Variants in UBE2E3 observed in about 807,000 individuals in gnomAD.
UBE2E3 encodes ubiquitin-conjugating enzyme E2 E3.
UBE2E3 carries 5 observed loss-of-function variants against 23.6 expected under a neutral mutation model. The observed-to-expected ratio is 0.21, with a 90% CI of 0.11 to 0.44. The LOEUF is 0.44. UBE2E3 is among the 20% of genes least tolerant of loss of function. UBE2E3 has a pLI of 0.99. For missense variants in UBE2E3, 81 were observed against 249.8 expected, an observed-to-expected ratio of 0.32 and a Z score of 4.55; for synonymous variants, 78 against 87.5, an observed-to-expected ratio of 0.89 and a Z score of 0.60.
At chr2:180,987,126 G>C (rs1684498676) in intron 3 of UBE2E3, among the ~76,000 whole-genome samples, 1 of 152,020 alleles carries the variant, frequency 6.6e-6, no homozygotes, top group African/African-American at 2.4e-5. Context: ...GGTATTGGAG[G>C]GCCATGGGCC....
chr2:181,017,809 G>GT (rs1350887828), intron 3 of UBE2E3, among the ~76,000 whole-genome samples: 1 of 149,150 alleles, frequency 6.7e-6, no homozygotes, highest in Non-Finnish European at 1.5e-5. Flanking sequence ...ACTAAAACGG[G>GT]TATCTGCTAA....
At chr2:180,989,839 A>T in intron 3 of UBE2E3, 1 of 1,527,086 alleles carries the variant, frequency 6.5e-7, no homozygotes, top group Non-Finnish European at 8.8e-7. Flanking sequence ...TGCTCTCCTT[A>T]AATGAGTTGC....
At chr2:181,034,659 T>A (rs13420526) in intron 3 of UBE2E3, among the ~76,000 whole-genome samples, 6,358 of 151,326 alleles carry the variant, frequency 0.042, 192 homozygotes, top group African/African-American at 0.077. Flanking sequence ...ACATGTACCC[T>A]AGAACTTAAA....
chr2:181,004,968 C>G (rs1364764615), intron 3 of UBE2E3, among the ~76,000 whole-genome samples: 1 of 152,172 alleles, frequency 6.6e-6, no homozygotes, highest in Non-Finnish European at 1.5e-5. Context: ...TTTGCATATA[C>G]TTGCATACTG....
chr2:180,999,909 TAAACAGGC>T (rs141596403), intron 3 of UBE2E3, among the ~76,000 whole-genome samples: 15,427 of 152,222 alleles, frequency 0.1, 876 homozygotes, highest in Middle Eastern at 0.12. Context: ...TATGGACAAA[TAAACAGGC>T]ATGTTTATGA....
chr2:181,035,937 G>T (rs1055809696), intron 3 of UBE2E3, among the ~76,000 whole-genome samples: 3 of 90,198 alleles, frequency 3.3e-5, no homozygotes, highest in Non-Finnish European at 5.7e-5. Context: ...GAACTCTATA[G>T]GTATAAAGTA....
intron 3 of UBE2E3, among the ~76,000 whole-genome samples, chr2:180,988,410 A>T (rs769263840): frequency 1.1e-4 from 17 of 152,178 alleles, no homozygotes; most frequent in African/African-American, 4.1e-4. Flanking sequence ...GGCATAGATG[A>T]ACAAATATTG....
intron 3 of UBE2E3, among the ~76,000 whole-genome samples, chr2:181,002,214 A>G (rs1231095059): frequency 6.6e-6 from 1 of 152,218 alleles, no homozygotes; most frequent in Admixed American, 6.5e-5. Context: ...AAATGTATGC[A>G]TATCACTTGT....
chr2:181,004,496 G>C (rs1417051732), intron 3 of UBE2E3, among the ~76,000 whole-genome samples: 1 of 152,106 alleles, frequency 6.6e-6, no homozygotes, highest in Admixed American at 6.5e-5. Context: ...AGCTGGGCCT[G>C]GTGGTATGCA....
chr2:181,007,236 C>G (rs576628282), intron 3 of UBE2E3, among the ~76,000 whole-genome samples: 2 of 152,292 alleles, frequency 1.3e-5, no homozygotes, highest in East Asian at 3.9e-4. Context: ...AAAGAAGTGA[C>G]CCTGCAGGTT....
chr2:181,015,662 T>C (rs1188009337), intron 3 of UBE2E3, among the ~76,000 whole-genome samples: 1 of 152,134 alleles, frequency 6.6e-6, no homozygotes, highest in Admixed American at 6.6e-5. Flanking sequence ...TAAAAGCAAG[T>C]TAATTGGTTT....
intron 3 of UBE2E3, among the ~76,000 whole-genome samples, chr2:180,995,460 C>T (rs575866929): frequency 6.6e-4 from 100 of 152,144 alleles, no homozygotes; most frequent in African/African-American, 2.3e-3. Context: ...ACATACAAAA[C>T]GTTTCTGTTA....
At chr2:181,038,196 A>G (rs950927258) in intron 3 of UBE2E3, among the ~76,000 whole-genome samples, 2 of 152,088 alleles carry the variant, frequency 1.3e-5, no homozygotes, top group Non-Finnish European at 2.9e-5. Context: ...TATCTTTTAT[A>G]TCATTTTTAC....
At chr2:181,011,218 CATGTT>C (rs1685317179) in intron 3 of UBE2E3, among the ~76,000 whole-genome samples, 1 of 151,924 alleles carries the variant, frequency 6.6e-6, no homozygotes, top group South Asian at 2.1e-4. Context: ...TTATTTGACT[CATGTT>C]ATGGAGGCTA....
At position 181,008,639 on chromosome 2, in the gene UBE2E3, G is replaced by A. The variant is rs573134707; in HGVS notation, c.245+24546G>A. Among the ~76,000 whole-genome samples the A allele has an allele frequency of 5.9e-5, 9 of 152,292 alleles. No individual in the cohort carries two copies. In the East Asian group the frequency reaches 1.7e-3, roughly 29 times the overall value. The stretch of plus-strand genomic sequence containing the variant: ...AGGTTCTAGCAGAGAGAGGAATTAG[G>A]CCTGGCTGTGGCGGAGTCTCTAGTG... On this transcript the variant is annotated intron_variant, in intron 3 of 5. Coordinates refer to ENST00000410062, the MANE Select transcript of UBE2E3 (RefSeq NM_006357.4).
At chr2:181,004,370 C>T (rs552772057) in intron 3 of UBE2E3, among the ~76,000 whole-genome samples, 20 of 152,234 alleles carry the variant, frequency 1.3e-4, no homozygotes, top group African/African-American at 4.1e-4. Context: ...TGTGGTGGCT[C>T]GCACCTGTAA....
chr2:181,028,382 G>C (rs1026835892), intron 3 of UBE2E3, among the ~76,000 whole-genome samples: 20 of 152,004 alleles, frequency 1.3e-4, no homozygotes, highest in Admixed American at 8.5e-4. Context: ...TACTGAACAT[G>C]TGTTCTAGTA....
At chr2:181,016,691 C>T (rs1324281695) in intron 3 of UBE2E3, among the ~76,000 whole-genome samples, 2 of 152,134 alleles carry the variant, frequency 1.3e-5, no homozygotes, top group African/African-American at 2.4e-5. Flanking sequence ...TAACAACTGT[C>T]GCCCTATCAG....
chr2:181,019,509 T>A (rs1033605902), intron 3 of UBE2E3, among the ~76,000 whole-genome samples: 1 of 152,230 alleles, frequency 6.6e-6, no homozygotes, highest in African/African-American at 2.4e-5. Flanking sequence ...GCATATATTT[T>A]ATTTTGGTTT....
Sources: gnomAD v4.1 joint callset for allele counts (sites outside exome capture counted in the v4.1 genomes callset) on GRCh38, gnomAD v4.1.1 for gene constraint, MANE v1.5 for transcripts, NCBI Gene and HGNC (gene_info 2026-07-23, HGNC 2026-07-21) for gene names.